Variants in DMD observed in about 807,000 individuals in gnomAD.
The protein encoded by DMD is mutant dystrophin.
A neutral mutation model predicts 330.1 loss-of-function variants in DMD; 63 were observed. That is an observed-to-expected ratio of 0.19 (90% confidence interval 0.16 to 0.24). The LOEUF is 0.24. Ranked by LOEUF, DMD falls within the 10% of genes least tolerant of loss-of-function variation. The pLI, the probability that DMD is intolerant of heterozygous loss-of-function variation, is 1.00. For missense variants in DMD, 3,344 were observed against 2,684.1 expected (o/e 1.25, Z -5.43); for synonymous variants, 1,223 against 959.8 (o/e 1.27, Z -5.07).
chrX:32,173,382 G>T (rs143163955), intron 44 of DMD, among the ~76,000 whole-genome samples: 1,781 of 110,190 alleles, frequency 0.016, 38 homozygotes, highest in African/African-American at 0.056. Context: ...TTATGATTAT[G>T]ATTATTATTG....
chrX:32,741,571 G>T (rs1436788049), intron 7 of DMD, among the ~76,000 whole-genome samples: 2 of 111,483 alleles, frequency 1.8e-5, no homozygotes, highest in African/African-American at 6.5e-5. Flanking sequence ...GCTGCCTTAA[G>T]ATAGAGTTTG....
At chrX:31,398,141 G>A (rs1276495066) in intron 60 of DMD, among the ~76,000 whole-genome samples, 1 of 112,142 alleles carries the variant, frequency 8.9e-6, no homozygotes, top group East Asian at 2.8e-4. Flanking sequence ...TATGAAAAAA[G>A]CACTACTGTA....
chrX:33,157,142 C>T (rs1273860264), intron 1 of DMD, among the ~76,000 whole-genome samples: 1 of 111,348 alleles, frequency 9.0e-6, no homozygotes, highest in Non-Finnish European at 1.9e-5. Context: ...TTAGGAGAAA[C>T]ATATTGTCTC....
intron 50 of DMD, among the ~76,000 whole-genome samples, chrX:31,796,763 G>T (rs1253801355): frequency 1.8e-5 from 2 of 111,760 alleles, no homozygotes; most frequent in Non-Finnish European, 3.8e-5. Flanking sequence ...GGTCATGGGG[G>T]TGGATCCTTC....
intron 52 of DMD, among the ~76,000 whole-genome samples, chrX:31,689,008 A>C (rs1417756132): frequency 8.9e-6 from 1 of 111,959 alleles, no homozygotes; most frequent in South Asian, 3.7e-4. Flanking sequence ...CCCACAGCCA[A>C]TATCATACTG....
At chrX:31,801,907 G>T (rs1032471263) in intron 50 of DMD, among the ~76,000 whole-genome samples, 1 of 111,174 alleles carries the variant, frequency 9.0e-6, no homozygotes, top group East Asian at 2.8e-4. Context: ...GGTAAGGAGC[G>T]TCTTTCCTGA....
rs1435729 is a variant in DMD, at chrX:32,618,904, G to C, written c.1332-4451C>G. Reference sequence around the variant, plus strand: ...CAGGCATCATGGAAAACAGTATGAAGGCTCCTTGAAATATGAACAACAAAA... The same window carrying C: ...CAGGCATCATGGAAAACAGTATGAACGCTCCTTGAAATATGAACAACAAAA... On this transcript the variant is annotated intron_variant, in intron 11 of 78. Transcript: ENST00000357033. 7.0e-3 allele frequency among the ~76,000 whole-genome samples: 783 copies of C among 111,191 alleles called. 8 individuals carry two copies. The highest frequency in any genetic ancestry group is 0.024 in the African/African-American group (727 of 30,669).
chrX:31,689,916 T>G (rs1296076085), intron 52 of DMD, among the ~76,000 whole-genome samples: 1 of 111,796 alleles, frequency 8.9e-6, no homozygotes, highest in African/African-American at 3.3e-5. Context: ...TGGCTAGCCA[T>G]ATGTAGAGAG....
At chrX:32,767,440 C>T (rs1320973117) in intron 7 of DMD, among the ~76,000 whole-genome samples, 2 of 111,722 alleles carry the variant, frequency 1.8e-5, no homozygotes, top group Admixed American at 1.9e-4. Flanking sequence ...TTTGTTAAGA[C>T]TGTAAGTTCT....
At chrX:31,883,477 T>G (rs1042181576) in intron 47 of DMD, among the ~76,000 whole-genome samples, 29 of 111,487 alleles carry the variant, frequency 2.6e-4, no homozygotes, top group African/African-American at 8.8e-4. Flanking sequence ...GTCTTTATAC[T>G]TCAGTTTAGA....
chrX:31,987,692 G>T (rs1271584157), intron 44 of DMD, among the ~76,000 whole-genome samples: 3 of 112,012 alleles, frequency 2.7e-5, no homozygotes, highest in African/African-American at 9.7e-5. Flanking sequence ...AAGATAAAAA[G>T]TGTTGGCAAG....
intron 51 of DMD, among the ~76,000 whole-genome samples, chrX:31,760,234 T>C (rs1320692627): frequency 8.9e-6 from 1 of 112,285 alleles, no homozygotes; most frequent in Admixed American, 9.5e-5. Flanking sequence ...AATGATAGTA[T>C]ATTTCCTAGT....
At chrX:31,536,417 A>C (rs1389562335) in intron 55 of DMD, among the ~76,000 whole-genome samples, 11 of 111,658 alleles carry the variant, frequency 9.9e-5, no homozygotes, top group Non-Finnish European at 1.7e-4. Flanking sequence ...GAAGCACAAG[A>C]AGATTGTGAA....
At chrX:31,770,228 T>C (rs1472127405) in intron 51 of DMD, among the ~76,000 whole-genome samples, 3 of 112,619 alleles carry the variant, frequency 2.7e-5, no homozygotes, top group Non-Finnish European at 5.6e-5. Flanking sequence ...AGAGCTCTAA[T>C]TGATAGGCAA....
chrX:33,085,411 A>G (rs1171556215), intron 1 of DMD, among the ~76,000 whole-genome samples: 1 of 111,814 alleles, frequency 8.9e-6, no homozygotes, highest in African/African-American at 3.2e-5. Context: ...TCCTTACACC[A>G]TACTTGTTCC....
intron 51 of DMD, among the ~76,000 whole-genome samples, chrX:31,739,214 C>G (rs2087109972): frequency 9.0e-6 from 1 of 110,963 alleles, no homozygotes; most frequent in African/African-American, 3.3e-5. Flanking sequence ...TATACACCTG[C>G]TAGGTACTCA....
chrX:31,519,950 C>T (rs184137442), intron 55 of DMD, among the ~76,000 whole-genome samples: 68 of 111,453 alleles, frequency 6.1e-4, no homozygotes, highest in African/African-American at 2.2e-3. Context: ...GTTCTTTCAT[C>T]CTATTTTGCT....
rs185669939 is a variant in DMD at position 31,152,266 on chromosome X, C to T, written c.10554-4748G>A. Reference sequence around the variant, plus strand: ...GCAACCACCACCTCCTGGGTTCAAGCGACTCTCCTGCCTCAGCCTCCTGAG... The same window carrying T: ...GCAACCACCACCTCCTGGGTTCAAGTGACTCTCCTGCCTCAGCCTCCTGAG... On this transcript the variant is annotated intron_variant, in intron 74 of 78. Coordinates refer to ENST00000357033, the MANE Select transcript of DMD (RefSeq NM_004006.3). 1.8e-4 allele frequency among the ~76,000 whole-genome samples: 19 copies of T among 107,741 alleles called. No individual in the cohort carries two copies. In the East Asian group the frequency reaches 4.1e-3, roughly 23 times the overall value. The allele number at this position is 107,741 out of a possible 115,157, so 93.6% of individuals were successfully genotyped here.
chrX:32,880,031 A>T lies in DMD; in HGVS notation c.94-30211T>A, dbSNP rs185561964. Among the ~76,000 whole-genome samples the T allele has an allele frequency of 8.5e-3, 809 of 94,850 alleles. 3 individuals carry two copies. The highest frequency in any genetic ancestry group is 0.029 in the African/African-American group (765 of 26,585). The allele number at this position is 94,850 out of a possible 115,157, so 82.4% of individuals were successfully genotyped here. On this transcript the variant is annotated intron_variant, in intron 2 of 78. Transcript: ENST00000357033. ...TGTAACTTTCTAATATGCAAAACAT[A>T]AAAAAAAACTTCCTGGTTTTTTTGA...
Sources: gnomAD v4.1 joint callset for allele counts (sites outside exome capture counted in the v4.1 genomes callset) on GRCh38, gnomAD v4.1.1 for gene constraint, MANE v1.5 for transcripts, NCBI Gene and HGNC (gene_info 2026-07-23, HGNC 2026-07-21) for gene names.